The following SLC47A2 variants were observed in gnomAD, a reference collection of about 807,000 sequenced individuals.
SLC47A2 encodes solute carrier family 47 member 2, also known as multidrug and toxin extrusion protein 2.
In SLC47A2, 52 loss-of-function variants were observed where a neutral mutation model predicts 67.7. That is an observed-to-expected ratio of 0.77 (90% CI 0.61 to 0.97). SLC47A2 has a LOEUF of 0.97. Among genes scored for constraint, SLC47A2 ranks in the 50% least tolerant of loss-of-function variants. The pLI is 0.00. For missense variants in SLC47A2, 676 were observed against 712.3 expected, an observed-to-expected ratio of 0.95 and a Z score of 0.58; for synonymous variants, 278 against 292.9, an observed-to-expected ratio of 0.95 and a Z score of 0.52.
In SLC47A2 at chr17:19,714,794, C is replaced by T. The variant is rs754393622; in HGVS notation, c.226-5G>A. On this transcript the variant is annotated splice_region_variant and splice_polypyrimidine_tract_variant and intron_variant, in intron 2 of 16. Coordinates refer to ENST00000433844, the MANE Select transcript of SLC47A2 (RefSeq NM_001099646.3). ...AACTCCGCAGACATTGACAAACTGG[C>T]GCCACACACAGGAGGAAACAAGAGC... is the stretch of plus-strand genomic sequence containing the variant. The T allele has an allele frequency of 5.6e-6, 9 of 1,613,898 alleles. No individual in the cohort carries two copies. The highest frequency in any genetic ancestry group is 3.3e-5 in the South Asian group (3 of 91,090).
At chr17:19,717,924 C>T (rs976063723), upstream of SLC47A2, 2 of 152,234 alleles carry the variant, frequency 1.3e-5, no homozygotes, top group Non-Finnish European at 2.9e-5. Context: ...AGTACCTTTA[C>T]CACCTGCCTA....
chr17:19,679,742 C>T (rs536430333), intron 16 of SLC47A2, among the ~76,000 whole-genome samples: 13 of 152,034 alleles, frequency 8.6e-5, no homozygotes, highest in African/African-American at 3.1e-4. Context: ...AGGCCAAAGA[C>T]TTGGTGTGGG....
intron 1 of SLC47A2, chr17:19,716,203 T>C (rs1251267484): frequency 3.3e-6 from 2 of 598,096 alleles, no homozygotes; most frequent in Non-Finnish European, 5.5e-6. Flanking sequence ...ACCCCTTCTG[T>C]GTGGGGGCTG....
intron 10 of SLC47A2, chr17:19,704,918 C>T (rs919164114): frequency 2.1e-5 from 9 of 430,274 alleles, no homozygotes; most frequent in South Asian, 1.5e-4. Flanking sequence ...CTCCGCCTCC[C>T]GGGTTCAAGT....
intron 16 of SLC47A2, 131 bp from the exon 17 acceptor site, chr17:19,679,037 G>A (rs115425408): frequency 0.014 from 9,326 of 688,066 alleles, 134 homozygotes; most frequent in African/African-American, 0.052. Flanking sequence ...TGCCTATACA[G>A]TAGAAAAATA....
chr17:19,713,745 G>A (rs983941514), intron 4 of SLC47A2, 80 bp downstream of exon 4: 18 of 1,544,462 alleles, frequency 1.2e-5, no homozygotes, highest in Non-Finnish European at 1.6e-5. Flanking sequence ...TGGGGTGTGA[G>A]GGCTGGGCAT....
chr17:19,708,446 T>C (rs985363516), intron 6 of SLC47A2, 47 bp from the exon 7 acceptor site: 46 of 1,613,988 alleles, frequency 2.9e-5, no homozygotes, highest in Non-Finnish European at 3.7e-5. Context: ...GTGAGATGGA[T>C]GGAGGATGGA....
chr17:19,702,508 A>G, intron 13 of SLC47A2, 97 bp downstream of exon 13: 1 of 1,561,562 alleles, frequency 6.4e-7, no homozygotes, highest in Non-Finnish European at 8.7e-7. Flanking sequence ...ATGTGTATTA[A>G]CAAGTTCATC....
chr17:19,716,295 G>T, intron 1 of SLC47A2, 138 bp downstream of exon 1: 2 of 1,347,402 alleles, frequency 1.5e-6, no homozygotes, highest in Non-Finnish European at 2.0e-6. Flanking sequence ...GCTGTCCCCA[G>T]ACTCTGGACC....
Position 19,716,500 on chromosome 17 carries a change from A to C in SLC47A2, c.56T>G (p.Leu19Arg). Reference sequence around the variant, plus strand: ...AAAGCCTCTGGGAACCAGCCTGCTGAGGGCAGGGCAGCAGCCCCCATGGTC... The same window carrying C: ...AAAGCCTCTGGGAACCAGCCTGCTGCGGGCAGGGCAGCAGCCCCCATGGTC... ...ALDHGGCCPA[L>R]SRLVPRGFGT... Residue 19 changes from leucine to arginine, a missense_variant, in exon 1 of 17, where the codon CTC (leucine) becomes CGC (arginine). By Grantham distance (102) the Leu-to-Arg change is moderately radical. Coordinates refer to ENST00000433844, the MANE Select transcript of SLC47A2 (RefSeq NM_001099646.3). The C allele has an allele frequency of 6.2e-7, 1 of 1,612,724 alleles. No homozygotes were observed. The highest frequency in any genetic ancestry group is 8.5e-7 in the Non-Finnish European group (1 of 1,179,548).
At chr17:19,679,563 C>T (rs111818225) in intron 16 of SLC47A2, among the ~76,000 whole-genome samples, 41 of 152,272 alleles carry the variant, frequency 2.7e-4, no homozygotes, top group Admixed American at 2.0e-4. Context: ...GTTGGCCTTC[C>T]GTCTTGAGCA....
chr17:19,704,314 C>T, intron 10 of SLC47A2, 136 bp from the exon 11 acceptor site: 3 of 676,970 alleles, frequency 4.4e-6, no homozygotes, highest in Non-Finnish European at 7.2e-6. Context: ...AGGCACGTCA[C>T]ATTCTTGCTG....
At position 19,701,564 on chromosome 17, in the gene SLC47A2, T is replaced by C. The variant is rs368315819; in HGVS notation, c.1164+1041A>G. On this transcript the variant is annotated intron_variant, in intron 13 of 16. Coordinates refer to ENST00000433844, the MANE Select transcript of SLC47A2 (RefSeq NM_001099646.3). ...CCTTCTGCAGAGCTATGGGAATGTA[T>C]GCAAGGGGTGTGTTCCTGAAGAATT... is the stretch of plus-strand genomic sequence containing the variant. 7.2e-5 allele frequency among the ~76,000 whole-genome samples: 11 copies of C among 152,348 alleles called. No homozygotes were observed. In the East Asian group the frequency reaches 1.7e-3, roughly 24 times the overall value.
In SLC47A2 at chr17:19,716,449, G is replaced by A. The variant is rs1258041616; in HGVS notation, c.107C>T (p.Ala36Val). 1 of 1,611,198 alleles carries A rather than the reference G, an allele frequency of 6.2e-7. No homozygotes were observed. Residue 36 changes from alanine to valine, a missense_variant, in exon 1 of 17, where the codon GCC (alanine) becomes GTC (valine). By Grantham distance (64) the Ala-to-Val change is moderately conservative. Transcript: ENST00000433844. ...GFGTEMWTLF[A>V]LSGPLFLFQV... The stretch of plus-strand genomic sequence containing the variant: ...CCTCCTTACCAGGGGTCCAGAAAGG[G>A]CAAAGAGAGTCCACATCTCAGTCCC...
At chr17:19,695,187 T>C (rs1419974178) in intron 13 of SLC47A2, among the ~76,000 whole-genome samples, 3 of 152,110 alleles carry the variant, frequency 2.0e-5, no homozygotes, top group African/African-American at 7.2e-5. Flanking sequence ...ATGTTAACTA[T>C]TGTATACTTG....
At chr17:19,698,366 T>A (rs1343312800) in intron 13 of SLC47A2, among the ~76,000 whole-genome samples, 3 of 152,192 alleles carry the variant, frequency 2.0e-5, no homozygotes, top group African/African-American at 7.2e-5. Context: ...ATTATTTATT[T>A]TTTTGAGACA....
chr17:19,695,499 C>CAAAAAAAAAAAAAAGAAA (rs369851386), intron 13 of SLC47A2, among the ~76,000 whole-genome samples: 4 of 55,314 alleles, frequency 7.2e-5, no homozygotes, highest in African/African-American at 1.1e-4. Flanking sequence ...AAACAAAGAA[C>CAAAAAAAAAAAAAAGAAA]AAAAAAAAAA....
intron 16 of SLC47A2, 43 bp downstream of exon 16, chr17:19,679,909 A>G: frequency 6.3e-6 from 10 of 1,589,632 alleles, no homozygotes; most frequent in South Asian, 1.1e-5. Context: ...TGCCACTGAC[A>G]TTTATATGTG....
intron 4 of SLC47A2, 51 bp downstream of exon 4, chr17:19,713,774 C>T (rs144043181): frequency 2.5e-6 from 4 of 1,578,032 alleles, no homozygotes; most frequent in Non-Finnish European, 3.4e-6. Flanking sequence ...TTTCCCTCGG[C>T]GGCCCGGGTT....
Sources: allele counts gnomAD v4.1 joint callset (sites outside exome capture counted in the v4.1 genomes callset), GRCh38; gene constraint gnomAD v4.1.1; transcripts MANE v1.5; gene names NCBI Gene and HGNC (gene_info 2026-07-23, HGNC 2026-07-21).